ASAH1: variants seen among roughly 807,000 people sequenced by gnomAD.
The protein encoded by ASAH1 is acid ceramidase.
In ASAH1, 70 loss-of-function variants were observed where a neutral mutation model predicts 59.5. That is an observed-to-expected ratio of 1.18 (90% CI 0.97 to 1.43). The LOEUF is 1.43. Ranked by LOEUF, ASAH1 falls within the 40% of genes most tolerant of loss-of-function variation. The probability of loss-of-function intolerance (pLI) is 0.00; values close to 1 mark genes in which losing one functional copy is unlikely to be tolerated. For missense variants in ASAH1, 660 were observed against 482.5 expected (o/e 1.37, Z -3.45); for synonymous variants, 213 against 166.5 (o/e 1.28, Z -2.15).
intron 13 of ASAH1, 36 bp downstream of exon 13, chr8:18,058,799 C>A (rs113778837): frequency 6.4e-7 from 1 of 1,565,366 alleles, no homozygotes; most frequent in South Asian, 1.1e-5. Flanking sequence ...AAATTCTTTC[C>A]CTAAAAGGCA....
intron 5 of ASAH1, chr8:18,066,178 C>T (rs1588984435): frequency 6.6e-6 from 1 of 151,740 alleles, no homozygotes; most frequent in African/African-American, 2.4e-5. Flanking sequence ...TAAATGGATA[C>T]AAAAGGCACT....
intron 5 of ASAH1, chr8:18,066,389 C>A: frequency 7.0e-6 from 1 of 143,140 alleles, no homozygotes; most frequent in Non-Finnish European, 1.5e-5. Context: ...AAAAGACCTT[C>A]ACAAGCCCTT....
At chr8:18,077,155 A>G (rs936076082) in intron 1 of ASAH1, among the ~76,000 whole-genome samples, 2 of 152,194 alleles carry the variant, frequency 1.3e-5, no homozygotes, top group Non-Finnish European at 2.9e-5. Flanking sequence ...TCTATTTCTG[A>G]TAATTCACAG....
At chr8:18,065,049 T>C (rs1044875026) in intron 5 of ASAH1, 2 of 152,506 alleles carry the variant, frequency 1.3e-5, no homozygotes, top group Non-Finnish European at 2.9e-5. Flanking sequence ...TAGCATTTAA[T>C]TCAAAAGTAG....
At chr8:18,062,577 T>G in intron 7 of ASAH1, 154 bp from the exon 8 acceptor site, 1 of 827,492 alleles carries the variant, frequency 1.2e-6, no homozygotes, top group Non-Finnish European at 1.9e-6. Context: ...ATTTATTCTG[T>G]TTTCCAAATG....
chr8:18,064,720 G>A, intron 5 of ASAH1, 189 bp from the exon 6 acceptor site: 1 of 559,290 alleles, frequency 1.8e-6, no homozygotes, highest in South Asian at 2.4e-5. Flanking sequence ...GATGAAACAA[G>A]TCACCAAGGA....
chr8:18,069,872 C>T lies in ASAH1; in HGVS notation c.223G>A (p.Val75Ile), dbSNP rs1168494308. Residue 75 changes from valine (V) to isoleucine (I), a missense_variant, in exon 4 of 14, where the codon GTT (valine) becomes ATT (isoleucine). Transcript: ENST00000637790. Reference protein sequence around the residue: ...LMLDKAPVLKVIVNSLKNMIN... With the variant: ...LMLDKAPVLKIIVNSLKNMIN... ...ATATTCTTCAGAGAATTCACTATAA[C>T]CTTTAGCTGAAAAATAAATAAAATG... is the stretch of plus-strand genomic sequence containing the variant. 1.3e-6 allele frequency: 2 copies of T among 1,577,078 alleles called. No individual in the cohort carries two copies. Among genetic ancestry groups the T allele is most frequent in the East Asian group, 4.5e-5 (2 of 44,686 alleles).
intron 2 of ASAH1, among the ~76,000 whole-genome samples, chr8:18,074,298 C>T (rs1256563308): frequency 6.6e-6 from 1 of 152,138 alleles, no homozygotes; most frequent in African/African-American, 2.4e-5. Flanking sequence ...CTGGAATGAA[C>T]ACTGGCCCCA....
chr8:18,059,291 G>C, intron 12 of ASAH1, 50 bp downstream of exon 12: 6 of 1,613,286 alleles, frequency 3.7e-6, no homozygotes, highest in South Asian at 1.1e-5. Context: ...AGAACCAAGG[G>C]AATCTTTAAT....
At position 18,059,710 on chromosome 8, in the gene ASAH1, A is replaced by G. The variant is rs1204046387; in HGVS notation, c.786-7T>C. On this transcript the variant is annotated splice_polypyrimidine_tract_variant and splice_region_variant and intron_variant, in intron 10 of 13. Transcript: ENST00000637790. Reference sequence around the variant, plus strand: ...ATTCTTGGCTTCTTCATAACTATATAGAAACATTTAAAAAGAAAAATGAAA... The same window carrying G: ...ATTCTTGGCTTCTTCATAACTATATGGAAACATTTAAAAAGAAAAATGAAA... 2 of 1,604,680 alleles carry G rather than the reference A, an allele frequency of 1.2e-6. No homozygotes were observed. Among genetic ancestry groups the G allele is most frequent in the Non-Finnish European group, 1.7e-6 (2 of 1,176,754 alleles).
intron 2 of ASAH1, chr8:18,073,293 A>G (rs1466694808): frequency 1.3e-6 from 2 of 1,571,506 alleles, no homozygotes; most frequent in Middle Eastern, 1.7e-4. Context: ...GAAAAATGCA[A>G]AAATAAAAAA....
chr8:18,084,225 CG>C, upstream of ASAH1: 1 of 1,484,454 alleles, frequency 6.7e-7, no homozygotes, highest in Non-Finnish European at 8.9e-7. Flanking sequence ...GAGGAGAGGA[CG>C]GGGCTTTTCA....
In ASAH1 at chr8:18,057,489, T is replaced by C. The variant is rs756656718; in HGVS notation, c.*45A>G. 2.8e-6 allele frequency: 4 copies of C among 1,425,368 alleles called. No individual in the cohort carries two copies. The highest frequency in any genetic ancestry group is 2.9e-6 in the Non-Finnish European group (3 of 1,019,608). 88.3% of individuals were successfully genotyped at this position (1,425,368 alleles called of 1,614,324 possible). On this transcript the variant is annotated 3_prime_UTR_variant, in exon 14 of 14. Coordinates refer to ENST00000637790, the MANE Select transcript of ASAH1 (RefSeq NM_177924.5). ...GCAGTGTTCGGTCACATGGAGATGG[T>C]GTCTTCATGTCTCAGAGGCCGCATT...
In ASAH1 at chr8:18,084,085, G is replaced by T; in HGVS notation, c.-27C>A. 1.3e-6 allele frequency: 2 copies of T among 1,597,734 alleles called. No individual in the cohort carries two copies. Among genetic ancestry groups the T allele is most frequent in the Non-Finnish European group, 1.7e-6 (2 of 1,179,492 alleles). ...GCTCTAGCAGCCAACGCCACTCCCC[G>T]GACTCCAGCAGAGGCAAAGAAGAGC... is the stretch of plus-strand genomic sequence containing the variant. On this transcript the variant is annotated 5_prime_UTR_variant, in exon 1 of 14. Transcript: ENST00000637790.
intron 1 of ASAH1, among the ~76,000 whole-genome samples, chr8:18,077,074 A>T (rs1800432895): frequency 6.6e-6 from 1 of 152,208 alleles, no homozygotes; most frequent in Admixed American, 6.5e-5. Context: ...TGTGAACTCA[A>T]AGACTGCAAA....
At position 18,063,172 on chromosome 8, in the gene ASAH1, G is replaced by T. The variant is rs774272794; in HGVS notation, c.503+13C>A. 3.7e-6 allele frequency: 6 copies of T among 1,613,178 alleles called. No homozygotes were observed. The highest frequency in any genetic ancestry group is 5.1e-6 in the Non-Finnish European group (6 of 1,179,360). On this transcript the variant is annotated intron_variant, in intron 7 of 13. Coordinates refer to ENST00000637790, the MANE Select transcript of ASAH1 (RefSeq NM_177924.5). ...CGTGAACCACCATGCCTGACCCTTT[G>T]TTCTTTACTTACCCAAGAAATACTC...
At chr8:18,062,169 A>AT in intron 8 of ASAH1, 110 bp downstream of exon 8, 2 of 1,442,808 alleles carry the variant, frequency 1.4e-6, no homozygotes, top group Admixed American at 3.4e-5. Flanking sequence ...AGGGGGTGAA[A>AT]TGGGGCTTCA....
At position 18,064,209 on chromosome 8, in the gene ASAH1, T is replaced by G. The variant is rs1396999913; in HGVS notation, c.457+248A>C. On this transcript the variant is annotated intron_variant, in intron 6 of 13. Transcript: ENST00000637790. Reference sequence around the variant, plus strand: ...AAACTATGAGGAAGAGAAGAATGTTTCTAGCCCTGCAACATTTCTTCCAGG... The same window carrying G: ...AAACTATGAGGAAGAGAAGAATGTTGCTAGCCCTGCAACATTTCTTCCAGG... 1.2e-5 allele frequency: 7 copies of G among 585,684 alleles called. No homozygotes were observed. The South Asian group carries it at 1.3e-4, about 11-fold the overall frequency. 36.3% of individuals were successfully genotyped at this position (585,684 alleles called of 1,614,324 possible).
intron 2 of ASAH1, among the ~76,000 whole-genome samples, chr8:18,074,686 A>T (rs928035912): frequency 1.3e-5 from 2 of 152,182 alleles, no homozygotes; most frequent in Non-Finnish European, 2.9e-5. Flanking sequence ...AGGCCCATTT[A>T]AACACTGAGG....
Sources: allele counts gnomAD v4.1 joint callset (sites outside exome capture counted in the v4.1 genomes callset), GRCh38; gene constraint gnomAD v4.1.1; transcripts MANE v1.5; gene names NCBI Gene and HGNC (gene_info 2026-07-23, HGNC 2026-07-21).